ADAMTS12: variants seen among roughly 807,000 people sequenced by gnomAD.
The protein encoded by ADAMTS12 is A disintegrin and metalloproteinase with thrombospondin motifs 12.
Under a neutral mutation model 167.8 loss-of-function variants are expected in ADAMTS12, and 118 were observed. That is an observed-to-expected ratio of 0.70 (90% CI 0.61 to 0.82). The LOEUF (loss-of-function observed/expected upper bound fraction) is 0.82. Ranked by LOEUF, ADAMTS12 falls within the 40% of genes least tolerant of loss-of-function variation. ADAMTS12 has a pLI of 0.00. For synonymous variants in ADAMTS12, 704 were observed against 716.9 expected (o/e 0.98, Z 0.29); for missense variants, 1,916 against 1,998.8 (o/e 0.96, Z 0.79).
chr5:33,563,272 G>A (rs1745836095), intron 19 of ADAMTS12, among the ~76,000 whole-genome samples: 1 of 152,124 alleles, frequency 6.6e-6, no homozygotes, highest in Non-Finnish European at 1.5e-5. Flanking sequence ...CATGCTCTTT[G>A]CAAGGGGACT....
chr5:33,593,274 T>A (rs958777480), intron 17 of ADAMTS12, among the ~76,000 whole-genome samples: 3 of 152,154 alleles, frequency 2.0e-5, no homozygotes, highest in African/African-American at 7.2e-5. Flanking sequence ...AGAAAAAGTT[T>A]AAATGTAGGG....
chr5:33,720,777 A>G (rs1743780426), intron 3 of ADAMTS12, among the ~76,000 whole-genome samples: 1 of 152,162 alleles, frequency 6.6e-6, no homozygotes, highest in Admixed American at 6.5e-5. Context: ...CCATTTTGCA[A>G]AACTGACAGT....
chr5:33,711,753 C>G (rs984842727), intron 3 of ADAMTS12, among the ~76,000 whole-genome samples: 1 of 152,076 alleles, frequency 6.6e-6, no homozygotes, highest in African/African-American at 2.4e-5. Flanking sequence ...CTTTCAAACT[C>G]AAAGATACAA....
At chr5:33,726,705 C>T (rs1174392686) in intron 3 of ADAMTS12, among the ~76,000 whole-genome samples, 1 of 151,010 alleles carries the variant, frequency 6.6e-6, no homozygotes, top group Non-Finnish European at 1.5e-5. Flanking sequence ...CTGAAGCTTA[C>T]TCCTAAGTTA....
In ADAMTS12 at chr5:33,576,102, G is replaced by A; in HGVS notation, c.3924C>T (p.Leu1308=). The part of the protein sequence containing the change: ...FLLNASNYKQ[L]TNGHGSAHWI... The stretch of plus-strand genomic sequence containing the variant: ...AGTGTGCAGAGCCGTGGCCGTTTGT[G>A]AGCTGCTTGTAATTGGAGGCATTTA... The change falls in exon 19 of 24, where the codon CTC becomes CTT. Residue 1308 remains leucine, a synonymous_variant. Transcript: ENST00000504830. 3 of 1,614,154 alleles carry A rather than the reference G, an allele frequency of 1.9e-6. No homozygotes were observed. The highest frequency in any genetic ancestry group is 2.5e-6 in the Non-Finnish European group (3 of 1,180,032).
chr5:33,739,203 G>A (rs750571103), intron 3 of ADAMTS12, among the ~76,000 whole-genome samples: 7 of 152,012 alleles, frequency 4.6e-5, no homozygotes, highest in Non-Finnish European at 8.8e-5. Context: ...AGTGTGTGAC[G>A]TGACGAATGT....
At chr5:33,652,343 C>T (rs1165594238) in intron 7 of ADAMTS12, among the ~76,000 whole-genome samples, 1 of 152,012 alleles carries the variant, frequency 6.6e-6, no homozygotes, top group African/African-American at 2.4e-5. Context: ...TGAGATAATA[C>T]CTCACTGTGG....
intron 5 of ADAMTS12, among the ~76,000 whole-genome samples, chr5:33,671,960 A>G (rs996190190): frequency 6.7e-6 from 1 of 148,788 alleles, no homozygotes; most frequent in South Asian, 2.1e-4. Flanking sequence ...CCACATACAT[A>G]CACATCAAAC....
At chr5:33,679,138 T>C (rs4454056) in intron 5 of ADAMTS12, among the ~76,000 whole-genome samples, 143,538 of 152,192 alleles carry the variant, frequency 0.94, 67,958 homozygotes, top group Middle Eastern at 0.98. Context: ...TCACTTTGTT[T>C]CGTTTGTATC....
chr5:33,843,597 C>A (rs1235890404), intron 2 of ADAMTS12, among the ~76,000 whole-genome samples: 1 of 152,184 alleles, frequency 6.6e-6, no homozygotes, highest in Non-Finnish European at 1.5e-5. Context: ...AAGATATTTT[C>A]ATAAATATAA....
chr5:33,825,813 T>C (rs892234954), intron 2 of ADAMTS12, among the ~76,000 whole-genome samples: 1 of 152,204 alleles, frequency 6.6e-6, no homozygotes, highest in Non-Finnish European at 1.5e-5. Context: ...TCTTTCCAAA[T>C]GAGTTTTGGT....
intron 2 of ADAMTS12, among the ~76,000 whole-genome samples, chr5:33,784,527 AT>A (rs60480709): frequency 0.05 from 7,653 of 152,142 alleles, 682 homozygotes; most frequent in African/African-American, 0.18. Context: ...TATAAAAAAA[AT>A]AGTTGTATTC....
chr5:33,538,199 A>G (rs1561109156), intron 22 of ADAMTS12, among the ~76,000 whole-genome samples: 1 of 152,208 alleles, frequency 6.6e-6, no homozygotes, highest in Non-Finnish European at 1.5e-5. Flanking sequence ...GAAACTTACA[A>G]TCATGGTGGA....
At chr5:33,869,907 C>T (rs1011782781) in intron 2 of ADAMTS12, among the ~76,000 whole-genome samples, 1 of 152,188 alleles carries the variant, frequency 6.6e-6, no homozygotes, top group Non-Finnish European at 1.5e-5. Context: ...TCCCTATCTA[C>T]AACTGCATAA....
chr5:33,561,882 G>A (rs149673102), intron 19 of ADAMTS12, among the ~76,000 whole-genome samples: 3 of 152,304 alleles, frequency 2.0e-5, no homozygotes, highest in Non-Finnish European at 4.4e-5. Context: ...GTCAGGTCCA[G>A]GTGTCTGCCC....
chr5:33,704,928 GT>G (rs1231001852), intron 3 of ADAMTS12, among the ~76,000 whole-genome samples: 1 of 151,882 alleles, frequency 6.6e-6, no homozygotes, highest in African/African-American at 2.4e-5. Flanking sequence ...GTTTAGAAAT[GT>G]TTTTTTCCTA....
intron 7 of ADAMTS12, among the ~76,000 whole-genome samples, chr5:33,655,845 C>A (rs1741041518): frequency 6.6e-6 from 1 of 151,794 alleles, no homozygotes; most frequent in Non-Finnish European, 1.5e-5. Flanking sequence ...GTGTGATGTT[C>A]CCCTCCCTGT....
intron 22 of ADAMTS12, among the ~76,000 whole-genome samples, chr5:33,544,905 C>A (rs868618446): frequency 7.3e-6 from 1 of 136,810 alleles, no homozygotes. Flanking sequence ...ACCATAAAAA[C>A]CCTAGAAGAA....
chr5:33,614,353 A>T lies in ADAMTS12; in HGVS notation c.2412T>A (p.Pro804=). 1.2e-6 allele frequency: 2 copies of T among 1,614,148 alleles called. No homozygotes were observed. Among genetic ancestry groups the T allele is most frequent in the Non-Finnish European group, 1.7e-6 (2 of 1,179,982 alleles). ...WIQLLFQVTN[P]GIKYEYTIQK... ...GGATTGTGTACTCATACTTGATGCC[A>T]GGGTTAGTCACCTGGAATAGAAGCT... is the stretch of plus-strand genomic sequence containing the variant. Residue 804 remains proline, a synonymous_variant, in exon 16 of 24, where the codon CCT becomes CCA. Coordinates refer to ENST00000504830, the MANE Select transcript of ADAMTS12 (RefSeq NM_030955.4).
Sources: gnomAD v4.1 joint callset for allele counts (sites outside exome capture counted in the v4.1 genomes callset) on GRCh38, gnomAD v4.1.1 for gene constraint, MANE v1.5 for transcripts, NCBI Gene and HGNC (gene_info 2026-07-23, HGNC 2026-07-21) for gene names.